The following NTM variants were observed in gnomAD, a reference collection of about 807,000 sequenced individuals.
NTM encodes IgLON family member 2.
A neutral mutation model predicts 42.1 loss-of-function variants in NTM; 13 were observed. That is an observed-to-expected ratio of 0.31 (90% CI 0.20 to 0.49). The LOEUF is 0.49. Ranked by LOEUF, NTM falls within the 20% of genes least tolerant of loss-of-function variation. The pLI is 0.99. For synonymous variants in NTM, 187 were observed against 179.2 expected, an observed-to-expected ratio of 1.04 and a Z score of -0.35; for missense variants, 373 against 452.8, an observed-to-expected ratio of 0.82 and a Z score of 1.60.
intron 4 of NTM, among the ~76,000 whole-genome samples, chr11:132,251,108 C>G (rs892506080): frequency 1.3e-5 from 2 of 152,196 alleles, no homozygotes; most frequent in African/African-American, 4.8e-5. Context: ...AACCGTAACA[C>G]AATTTCTTGG....
chr11:131,679,213 A>C (rs1469758412), intron 1 of NTM, among the ~76,000 whole-genome samples: 1 of 152,032 alleles, frequency 6.6e-6, no homozygotes, highest in Non-Finnish European at 1.5e-5. Flanking sequence ...TGCTCCCTCC[A>C]GCTCTTCACC....
At chr11:131,672,017 G>A (rs551727735) in intron 1 of NTM, among the ~76,000 whole-genome samples, 17 of 152,338 alleles carry the variant, frequency 1.1e-4, no homozygotes, top group South Asian at 6.2e-4. Context: ...CCAGGGGCCC[G>A]CAGCGTGCCC....
intron 1 of NTM, among the ~76,000 whole-genome samples, chr11:131,510,340 C>T (rs1457758182): frequency 1.3e-5 from 2 of 152,148 alleles, no homozygotes; most frequent in Non-Finnish European, 2.9e-5. Context: ...AGGGAATCTG[C>T]CAGGTGAAAG....
At chr11:131,522,703 A>C (rs2049918169) in intron 1 of NTM, among the ~76,000 whole-genome samples, 1 of 152,232 alleles carries the variant, frequency 6.6e-6, no homozygotes, top group African/African-American at 2.4e-5. Flanking sequence ...GGAAAACTTC[A>C]AGTGTCCAAA....
intron 1 of NTM, among the ~76,000 whole-genome samples, chr11:131,787,292 A>G (rs2089388521): frequency 6.6e-6 from 1 of 150,540 alleles, no homozygotes; most frequent in South Asian, 2.1e-4. Flanking sequence ...ATTTGTGCCT[A>G]TACACAAAAA....
At position 131,911,008 on chromosome 11, in the gene NTM, A is replaced by G. The variant is rs1002359519; in HGVS notation, c.83-556A>G. 3 of 1,002,114 alleles carry G rather than the reference A, an allele frequency of 3.0e-6. No individual in the cohort carries two copies. The African/African-American group carries it at 5.2e-5, about 17-fold the overall frequency. 62.1% of individuals were successfully genotyped at this position (1,002,114 alleles called of 1,614,324 possible). ...GGTGGCGAGCCCGGCTCCGAAACTT[A>G]CAAAGTGTTGGATGTCCCCCGTTCG... On this transcript the variant is annotated intron_variant, in intron 1 of 8. Coordinates refer to ENST00000683400, the MANE Select transcript of NTM (RefSeq NM_001352005.2).
intron 2 of NTM, among the ~76,000 whole-genome samples, chr11:132,020,104 G>C (rs2074098944): frequency 6.6e-6 from 1 of 151,976 alleles, no homozygotes; most frequent in Non-Finnish European, 1.5e-5. Flanking sequence ...TTCAGTTTTT[G>C]TGTTAGTTCA....
chr11:131,465,972 C>T (rs1024770186), intron 1 of NTM, among the ~76,000 whole-genome samples: 1 of 152,208 alleles, frequency 6.6e-6, no homozygotes, highest in Admixed American at 6.5e-5. Context: ...CTTTGAGCGC[C>T]CCTTCAGGGT....
At chr11:131,944,162 C>T (rs529448381) in intron 2 of NTM, among the ~76,000 whole-genome samples, 2 of 152,230 alleles carry the variant, frequency 1.3e-5, no homozygotes, top group East Asian at 1.9e-4. Context: ...CTGGCTGGTG[C>T]AAAGACAATT....
Position 131,714,789 on chromosome 11 carries a change from C to T in NTM, c.83-196775C>T, listed in dbSNP as rs544247850. ...CAGCCTTTACCGAGTGTCATCCATGCGGCATTTGACACCACCTTCCTCCCA... is the reference window on the plus strand; with the variant it reads ...CAGCCTTTACCGAGTGTCATCCATGTGGCATTTGACACCACCTTCCTCCCA... On this transcript the variant is annotated intron_variant, in intron 1 of 8. Coordinates refer to ENST00000683400, the MANE Select transcript of NTM (RefSeq NM_001352005.2). Among the ~76,000 whole-genome samples the T allele has an allele frequency of 3.3e-4, 50 of 152,282 alleles. 1 individual carries two copies. In the South Asian group the frequency reaches 6.2e-3, roughly 19 times the overall value.
At chr11:131,764,780 C>G (rs1419383993) in intron 1 of NTM, among the ~76,000 whole-genome samples, 1 of 152,110 alleles carries the variant, frequency 6.6e-6, no homozygotes, top group Non-Finnish European at 1.5e-5. Flanking sequence ...CGAAGTTGCT[C>G]CTTCCTATAA....
intron 1 of NTM, among the ~76,000 whole-genome samples, chr11:131,824,624 G>GT (rs1488056144): frequency 2.6e-5 from 4 of 152,188 alleles, no homozygotes; most frequent in African/African-American, 9.7e-5. Flanking sequence ...GAGCAAATGT[G>GT]TTTTTCTAGC....
chr11:131,868,436 C>T (rs926985843), intron 1 of NTM, among the ~76,000 whole-genome samples: 2 of 152,178 alleles, frequency 1.3e-5, no homozygotes, highest in African/African-American at 4.8e-5. Flanking sequence ...CTCCACACCA[C>T]CACAAGGTTA....
intron 1 of NTM, among the ~76,000 whole-genome samples, chr11:131,482,009 A>C (rs970320723): frequency 2.0e-5 from 3 of 152,114 alleles, no homozygotes; most frequent in Non-Finnish European, 2.9e-5. Context: ...TTCTTAAACC[A>C]TGCTGCATAC....
chr11:131,443,947 C>T (rs907708324), intron 1 of NTM, among the ~76,000 whole-genome samples: 1 of 152,168 alleles, frequency 6.6e-6, no homozygotes, highest in African/African-American at 2.4e-5. Flanking sequence ...GACATCTTTG[C>T]TGCAACCTCA....
At chr11:132,234,862 G>T (rs1294500169) in intron 4 of NTM, among the ~76,000 whole-genome samples, 1 of 152,158 alleles carries the variant, frequency 6.6e-6, no homozygotes, top group Non-Finnish European at 1.5e-5. Context: ...TGTGTAATAT[G>T]TGTTTGTGTC....
chr11:131,962,238 G>C (rs1220552238), intron 2 of NTM, among the ~76,000 whole-genome samples: 5 of 152,164 alleles, frequency 3.3e-5, no homozygotes, highest in African/African-American at 1.2e-4. Flanking sequence ...CAGAGTAGAG[G>C]GGGTAGGAAG....
In NTM at chr11:131,713,710, G is replaced by A. The variant is rs553038566; in HGVS notation, c.83-197854G>A. 1.4e-4 allele frequency among the ~76,000 whole-genome samples: 21 copies of A among 152,246 alleles called. No individual in the cohort carries two copies. In the South Asian group the frequency reaches 2.7e-3, roughly 20 times the overall value. On this transcript the variant is annotated intron_variant, in intron 1 of 8. Coordinates refer to ENST00000683400, the MANE Select transcript of NTM (RefSeq NM_001352005.2). ...AAGTTCAGTATGCTGTGTTGTTAGC[G>A]TGGCAAATCTGGACAGGTCTGCAGC...
chr11:131,872,574 A>G (rs2047897223), intron 1 of NTM, among the ~76,000 whole-genome samples: 1 of 152,182 alleles, frequency 6.6e-6, no homozygotes. Flanking sequence ...CAGAAGCCCA[A>G]AGGAGTTGGT....
Sources: allele counts gnomAD v4.1 joint callset (sites outside exome capture counted in the v4.1 genomes callset), GRCh38; gene constraint gnomAD v4.1.1; transcripts MANE v1.5; gene names NCBI Gene and HGNC (gene_info 2026-07-23, HGNC 2026-07-21).